The following SPATA31E1 variants were observed in gnomAD, a reference collection of about 807,000 sequenced individuals.
SPATA31E1 encodes spermatogenesis-associated protein 31E1.
Under a neutral mutation model 12.9 loss-of-function variants are expected in SPATA31E1, and 7 were observed. The ratio of observed to expected loss-of-function variants is 0.54; its 90% CI spans 0.31 to 1.02. SPATA31E1 has a LOEUF of 1.02. Ranked by LOEUF, SPATA31E1 falls within the 50% of genes least tolerant of loss-of-function variation. The pLI, the probability that SPATA31E1 is intolerant of heterozygous loss-of-function variation, is 0.05. For missense variants in SPATA31E1, 1,961 were observed against 1,799.8 expected, an observed-to-expected ratio of 1.09 and a Z score of -1.62; for synonymous variants, 771 against 719.0, an observed-to-expected ratio of 1.07 and a Z score of -1.16.
Position 87,885,264 on chromosome 9 carries a change from C to G in SPATA31E1, c.777C>G (p.Pro259=). The change falls in exon 4 of 4, where the codon CCC becomes CCG. Residue 259 remains proline, a synonymous_variant. Transcript: ENST00000325643. The stretch of plus-strand genomic sequence containing the variant: ...CCCTGGCCTCCTCTCCACCTCCACC[C>G]GACTCCAGCCTGGCTGGACTTCAGT... ...HGPLASSPPP[P]DSSLAGLQCG... is the part of the protein sequence containing the mutation. 6.2e-7 allele frequency: 1 copy of G among 1,614,122 alleles called. No individual in the cohort carries two copies. Among genetic ancestry groups the G allele is most frequent in the South Asian group, 1.1e-5 (1 of 91,074 alleles).
At position 87,885,949 on chromosome 9, in the gene SPATA31E1, TCA is replaced by T; in HGVS notation, c.1465_1466del (p.Gln489AlafsTer31). The T allele has an allele frequency of 4.3e-6, 7 of 1,613,780 alleles. No homozygotes were observed. The highest frequency in any genetic ancestry group is 5.9e-6 in the Non-Finnish European group (7 of 1,180,008). On this transcript the variant is annotated frameshift_variant, in exon 4 of 4. Coordinates refer to ENST00000325643, the MANE Select transcript of SPATA31E1 (RefSeq NM_178828.5). LOFTEE classifies it low-confidence loss of function (END_TRUNC). ...LPGEPEVEAS[S>X]QLSQAPPQPH... ...AGGTGAACCTGAGGTTGAGGCATCC[TCA>T]CAGCTTTCCCAGGCACCGCCCCAGC...
chr9:87,883,652 C>T (rs913521598), intron 1 of SPATA31E1, among the ~76,000 whole-genome samples: 2 of 152,152 alleles, frequency 1.3e-5, no homozygotes, highest in Admixed American at 1.3e-4. Context: ...TTCACCACAG[C>T]CCCATGGTAC....
In SPATA31E1 at chr9:87,888,712, C is replaced by T. The variant is rs774676756; in HGVS notation, c.4225C>T (p.Pro1409Ser). ...CAGTTGGGCCCCACCTCCCAGGGAG[C>T]CTGTGTCCCCAGCTGGTCCCCACCA... ...DSSWAPPPRE[P>S]VSPAGPHHHR... Residue 1409 changes from proline to serine, a missense_variant, in exon 4 of 4, where the codon CCT becomes TCT. By Grantham distance (74) the Pro-to-Ser change is moderately conservative. Coordinates refer to ENST00000325643, the MANE Select transcript of SPATA31E1 (RefSeq NM_178828.5). The T allele has an allele frequency of 4.3e-6, 7 of 1,613,832 alleles. No homozygotes were observed. Among genetic ancestry groups the T allele is most frequent in the Non-Finnish European group, 5.9e-6 (7 of 1,180,008 alleles).
At chr9:87,884,739 G>A (rs1837075957) in intron 3 of SPATA31E1, 88 bp downstream of exon 3, 1 of 1,559,724 alleles carries the variant, frequency 6.4e-7, no homozygotes, top group Non-Finnish European at 8.8e-7. Flanking sequence ...CTGGGAGGGG[G>A]AGGTCCCGGG....
rs374047571 is a variant in SPATA31E1 at position 87,887,907 on chromosome 9, C to A, written c.3420C>A (p.Ala1140=). Residue 1140 remains alanine, a synonymous_variant, in exon 4 of 4, where the codon GCC becomes GCA. Transcript: ENST00000325643. ...GCCGCCACATGGACATGCTCACTGC[C>A]GCAGACAGGCTGCCCACTCAAGCCC... The part of the protein sequence containing the change: ...LPGRHMDMLT[A]ADRLPTQAPL... 3.7e-6 allele frequency: 6 copies of A among 1,613,906 alleles called. No homozygotes were observed. In the South Asian group the frequency reaches 5.5e-5, roughly 15 times the overall value.
Position 87,888,193 on chromosome 9 carries a change from G to A in SPATA31E1, c.3706G>A (p.Ala1236Thr), listed in dbSNP as rs1587571794. 6.2e-7 allele frequency: 1 copy of A among 1,613,702 alleles called. No homozygotes were observed. ...CAGTGGGAGGAGCCACCCTGCCCAA[G>A]CCAGGGAAATAGGAGACAAACAAGA... Reference protein sequence around the residue: ...EASGRSHPAQAREIGDKQERK... With the variant: ...EASGRSHPAQTREIGDKQERK... The change falls in exon 4 of 4, where the codon GCC becomes ACC. Residue 1236 changes from alanine to threonine, a missense_variant. By Grantham distance (58) the Ala-to-Thr change is moderately conservative (BLOSUM62 0). Transcript: ENST00000325643.
In SPATA31E1 at chr9:87,887,749, G is replaced by C. The variant is rs201137557; in HGVS notation, c.3262G>C (p.Glu1088Gln). 129 of 1,613,970 alleles carry C rather than the reference G, an allele frequency of 8.0e-5. No homozygotes were observed. Among genetic ancestry groups the C allele is most frequent in the Middle Eastern group, 1.6e-4 (1 of 6,072 alleles). The change falls in exon 4 of 4, where the codon GAG becomes CAG. Residue 1088 changes from glutamate to glutamine, a missense_variant. Glu to Gln is a conservative substitution (Grantham distance 29). Coordinates refer to ENST00000325643, the MANE Select transcript of SPATA31E1 (RefSeq NM_178828.5). ...ASSVCVAQDP[E>Q]QLHLKAQVVS... is the part of the protein sequence containing the mutation. ...TTCAGTCTGTGTTGCTCAGGATCCA[G>C]AGCAGCTGCACCTGAAAGCGCAGGT... is the stretch of plus-strand genomic sequence containing the variant.
At chr9:87,883,372 G>C (rs1828204091) in intron 1 of SPATA31E1, among the ~76,000 whole-genome samples, 172 bp downstream of exon 1, 1 of 152,202 alleles carries the variant, frequency 6.6e-6, no homozygotes, top group Non-Finnish European at 1.5e-5. Context: ...TCCATCCCGA[G>C]CTCATCTGTG....
Position 87,887,282 on chromosome 9 carries a change from G to GT in SPATA31E1, c.2795_2796insT (p.Arg932SerfsTer10). ...CCGCCTGAGCAGGAGGGAGTCCAGAGGCCCCCGAGAGGGTCCCAGTCAGCT... is the reference window on the plus strand; with the variant it reads ...CCGCCTGAGCAGGAGGGAGTCCAGAGTGCCCCCGAGAGGGTCCCAGTCAGCT... On this transcript the variant is annotated frameshift_variant, in exon 4 of 4. Coordinates refer to ENST00000325643, the MANE Select transcript of SPATA31E1 (RefSeq NM_178828.5). LOFTEE classifies it low-confidence loss of function (END_TRUNC). The GT allele has an allele frequency of 6.2e-7, 1 of 1,613,926 alleles. No homozygotes were observed. Among genetic ancestry groups the GT allele is most frequent in the Non-Finnish European group, 8.5e-7 (1 of 1,180,020 alleles).
chr9:87,888,582 C>G lies in SPATA31E1; in HGVS notation c.4095C>G (p.His1365Gln). 1 of 1,614,170 alleles carries G rather than the reference C, an allele frequency of 6.2e-7. No individual in the cohort carries two copies. Among genetic ancestry groups the G allele is most frequent in the Non-Finnish European group, 8.5e-7 (1 of 1,180,038 alleles). The change falls in exon 4 of 4, where the codon CAC becomes CAG. Residue 1365 changes from histidine (H) to glutamine (Q), a missense_variant. Physicochemically the swap from His to Gln is conservative, Grantham distance 24 (BLOSUM62 0). Coordinates refer to ENST00000325643, the MANE Select transcript of SPATA31E1 (RefSeq NM_178828.5). ...CCTGCTGCCACAGGGGTCACTGCCA[C>G]CAAGAACGTAGCAGAGAGATGAGAG... ...VPSCCHRGHCHQERSREMRAL... is the reference protein window; with the variant it reads ...VPSCCHRGHCQQERSREMRAL...
chr9:87,886,368 C>G lies in SPATA31E1; in HGVS notation c.1881C>G (p.His627Gln), dbSNP rs571478313. 1 of 1,613,536 alleles carries G rather than the reference C, an allele frequency of 6.2e-7. No individual in the cohort carries two copies. The highest frequency in any genetic ancestry group is 1.7e-5 in the Admixed American group (1 of 60,010). Residue 627 changes from histidine (H) to glutamine (Q), a missense_variant, in exon 4 of 4, where the codon CAC becomes CAG. Physicochemically the swap from His to Gln is conservative, Grantham distance 24 (BLOSUM62 0). Transcript: ENST00000325643. ...TCACCAGCCCTGAGCTCCCAGAGCA[C>G]TGGTGGCAAGGAAGGAATGCCATCC... is the stretch of plus-strand genomic sequence containing the variant. The part of the protein sequence containing the change: ...GVVTSPELPE[H>Q]WWQGRNAIHQ...
rs201139802 is a variant in SPATA31E1 at position 87,886,289 on chromosome 9, A to G, written c.1802A>G (p.Gln601Arg). The G allele has an allele frequency of 5.0e-6, 8 of 1,613,398 alleles. No homozygotes were observed. The African/African-American group carries it at 1.1e-4, about 22-fold the overall frequency. Residue 601 changes from glutamine (Q) to arginine (R), a missense_variant, in exon 4 of 4, where the codon CAA becomes CGA. By Grantham distance (43) the Gln-to-Arg change is conservative. Transcript: ENST00000325643. ...VLSQPTAHLP[Q>R]ERPASWSPKS... ...AGCCAGCCCACTGCCCACCTTCCCC[A>G]AGAGAGGCCGGCCTCCTGGAGCCCC... is the stretch of plus-strand genomic sequence containing the variant.
chr9:87,888,062 A>T lies in SPATA31E1; in HGVS notation c.3575A>T (p.Gln1192Leu). The T allele has an allele frequency of 6.2e-7, 1 of 1,603,866 alleles. No individual in the cohort carries two copies. Among genetic ancestry groups the T allele is most frequent in the Non-Finnish European group, 8.5e-7 (1 of 1,175,274 alleles). ...GGGAGCCCAAAAGCAAAGGCCCCACAGAAGAGTCAGAAGACGCTGGGCTGT... is the reference window on the plus strand; with the variant it reads ...GGGAGCCCAAAAGCAAAGGCCCCACTGAAGAGTCAGAAGACGCTGGGCTGT... ...EPGSPKAKAPQKSQKTLGCAD... is the reference protein window; with the variant it reads ...EPGSPKAKAPLKSQKTLGCAD... Residue 1192 changes from glutamine to leucine, a missense_variant, in exon 4 of 4, where the codon CAG becomes CTG. Transcript: ENST00000325643.
chr9:87,884,443 C>A, intron 2 of SPATA31E1, 148 bp from the exon 3 acceptor site: 1 of 788,400 alleles, frequency 1.3e-6, no homozygotes, highest in Non-Finnish European at 2.1e-6. Flanking sequence ...ACCTTCCTGT[C>A]ACCATTGGGG....
chr9:87,888,215 A>T lies in SPATA31E1; in HGVS notation c.3728A>T (p.Gln1243Leu). The change falls in exon 4 of 4, where the codon CAA becomes CTA. Residue 1243 changes from glutamine to leucine, a missense_variant. Gln to Leu is a moderately radical substitution (Grantham distance 113). Coordinates refer to ENST00000325643, the MANE Select transcript of SPATA31E1 (RefSeq NM_178828.5). Reference sequence around the variant, plus strand: ...CAAGCCAGGGAAATAGGAGACAAACAAGAAAGGAAATACAACCAGCTTCAG... The same window carrying T: ...CAAGCCAGGGAAATAGGAGACAAACTAGAAAGGAAATACAACCAGCTTCAG... ...PAQAREIGDK[Q>L]ERKYNQLQLE... 6.2e-7 allele frequency: 1 copy of T among 1,613,982 alleles called. No homozygotes were observed. The highest frequency in any genetic ancestry group is 1.1e-5 in the South Asian group (1 of 91,088).
Position 87,886,224 on chromosome 9 carries a change from G to T in SPATA31E1, c.1737G>T (p.Arg579Ser), listed in dbSNP as rs771557331. Residue 579 changes from arginine (R) to serine (S), a missense_variant, in exon 4 of 4, where the codon AGG becomes AGT. Coordinates refer to ENST00000325643, the MANE Select transcript of SPATA31E1 (RefSeq NM_178828.5). ...WPLKKRPKWKRVLPSLLKKSQ... is the reference protein window; with the variant it reads ...WPLKKRPKWKSVLPSLLKKSQ... ...TGAAGAAGCGACCAAAGTGGAAGAG[G>T]GTTTTGCCCTCTCTCCTCAAAAAGT... 2 of 1,613,846 alleles carry T rather than the reference G, an allele frequency of 1.2e-6. No homozygotes were observed. Among genetic ancestry groups the T allele is most frequent in the Admixed American group, 3.3e-5 (2 of 60,006 alleles).
In SPATA31E1 at chr9:87,886,315, A is replaced by G; in HGVS notation, c.1828A>G (p.Lys610Glu). The change falls in exon 4 of 4, where the codon AAG becomes GAG. Residue 610 changes from lysine (K) to glutamate (E), a missense_variant. Coordinates refer to ENST00000325643, the MANE Select transcript of SPATA31E1 (RefSeq NM_178828.5). ...PQERPASWSP[K>E]SAPILPGVVT... is the part of the protein sequence containing the mutation. Reference sequence around the variant, plus strand: ...AGAGAGGCCGGCCTCCTGGAGCCCCAAGTCAGCCCCCATCCTTCCCGGGGT... The same window carrying G: ...AGAGAGGCCGGCCTCCTGGAGCCCCGAGTCAGCCCCCATCCTTCCCGGGGT... 1.2e-6 allele frequency: 2 copies of G among 1,613,444 alleles called. No homozygotes were observed. Among genetic ancestry groups the G allele is most frequent in the Non-Finnish European group, 1.7e-6 (2 of 1,179,904 alleles).
rs780608016 is a variant in SPATA31E1 at position 87,887,860 on chromosome 9, G to A, written c.3373G>A (p.Ala1125Thr). 35 of 1,613,680 alleles carry A rather than the reference G, an allele frequency of 2.2e-5. No homozygotes were observed. Among genetic ancestry groups the A allele is most frequent in the South Asian group, 2.1e-4 (19 of 91,092 alleles). The change falls in exon 4 of 4, where the codon GCC becomes ACC. Residue 1125 changes from alanine (A) to threonine (T), a missense_variant. By Grantham distance (58) the Ala-to-Thr change is moderately conservative. Transcript: ENST00000325643. ...RAPGILLQDGATGLCLPGRHM... is the reference protein window; with the variant it reads ...RAPGILLQDGTTGLCLPGRHM... The stretch of plus-strand genomic sequence containing the variant: ...CCCGGGCATCCTCCTCCAGGACGGC[G>A]CCACAGGCCTGTGCCTTCCAGGCCG...
chr9:87,884,857 C>T (rs1196081764), intron 3 of SPATA31E1, 56 bp from the exon 4 acceptor site: 1 of 1,547,428 alleles, frequency 6.5e-7, no homozygotes, highest in Middle Eastern at 2.1e-4. Context: ...CCACCCGTCC[C>T]AGCTTCCCGG....
Sources: allele counts gnomAD v4.1 joint callset (sites outside exome capture counted in the v4.1 genomes callset), GRCh38; gene constraint gnomAD v4.1.1; transcripts MANE v1.5; gene names NCBI Gene and HGNC (gene_info 2026-07-23, HGNC 2026-07-21).